Variants in CENPW observed in about 807,000 individuals in gnomAD.
CENPW encodes the protein centromere protein W.
Under a neutral mutation model 11.1 loss-of-function variants are expected in CENPW, and 3 were observed. The observed-to-expected ratio is 0.27, with a 90% CI of 0.12 to 0.70. The LOEUF (loss-of-function observed/expected upper bound fraction) is 0.70, where lower values mean the gene tolerates loss of function less well. Among genes scored for constraint, CENPW ranks in the 30% least tolerant of loss-of-function variants. The pLI, the probability that CENPW is intolerant of heterozygous loss-of-function variation, is 0.77. For missense variants in CENPW, 100 were observed against 105.6 expected (o/e 0.95, Z 0.23); for synonymous variants, 38 against 42.0 (o/e 0.91, Z 0.37).
chr6:126,373,409 A>T, the CENPW span, among the ~76,000 whole-genome samples: 1 of 152,246 alleles, frequency 6.6e-6, no homozygotes, highest in African/African-American at 2.4e-5. Context: ...TCTTCGAGCC[A>T]TAAAAATTTG....
chr6:126,356,640 G>A, the CENPW span, among the ~76,000 whole-genome samples: 1 of 152,056 alleles, frequency 6.6e-6, no homozygotes. Flanking sequence ...TGATTGGTAT[G>A]AGATAGTATC....
chr6:126,376,445 A>C, the CENPW span, among the ~76,000 whole-genome samples: 1 of 152,094 alleles, frequency 6.6e-6, no homozygotes, highest in African/African-American at 2.4e-5. Context: ...ACATACCCCT[A>C]ATACGGAATT....
the CENPW span, among the ~76,000 whole-genome samples, chr6:126,453,355 A>G: frequency 6.9e-4 from 104 of 151,328 alleles, no homozygotes; most frequent in African/African-American, 2.2e-3. Flanking sequence ...CATGCTAACC[A>G]CGGACCTTTC....
chr6:126,359,412 G>A, the CENPW span, among the ~76,000 whole-genome samples: 2 of 151,868 alleles, frequency 1.3e-5, no homozygotes, highest in Admixed American at 1.3e-4. Flanking sequence ...TTTTGGGTAG[G>A]TTATTCTGTA....
the CENPW span, among the ~76,000 whole-genome samples, chr6:126,357,561 C>T: frequency 2.7e-4 from 41 of 151,540 alleles, no homozygotes; most frequent in African/African-American, 8.5e-4. Flanking sequence ...GAACATTTTT[C>T]GATTTATTTG....
the CENPW span, among the ~76,000 whole-genome samples, chr6:126,420,768 C>T: frequency 1.3e-5 from 2 of 152,070 alleles, no homozygotes; most frequent in African/African-American, 4.8e-5. Flanking sequence ...TAAGTGGGTC[C>T]TACAAAGGGA....
chr6:126,420,638 A>G, the CENPW span, among the ~76,000 whole-genome samples: 5 of 152,090 alleles, frequency 3.3e-5, no homozygotes, highest in African/African-American at 1.2e-4. Context: ...GAAGAAATTG[A>G]CTTTAGAAAT....
chr6:126,417,456 A>G, the CENPW span, among the ~76,000 whole-genome samples: 1 of 152,192 alleles, frequency 6.6e-6, no homozygotes, highest in African/African-American at 2.4e-5. Context: ...GGGAGGGGCC[A>G]GGGGAAGAAT....
chr6:126,470,590 A>G, the CENPW span, among the ~76,000 whole-genome samples: 1 of 152,226 alleles, frequency 6.6e-6, no homozygotes, highest in South Asian at 2.1e-4. Flanking sequence ...ACCATCCTCC[A>G]GACCCCAGAA....
At chr6:126,438,676 C>A in the CENPW span, among the ~76,000 whole-genome samples, 2 of 151,676 alleles carry the variant, frequency 1.3e-5, no homozygotes, top group Non-Finnish European at 3.0e-5. Flanking sequence ...TACAAACACA[C>A]TTTCTGCAAT....
chr6:126,368,816 TTG>T, the CENPW span, among the ~76,000 whole-genome samples: 1 of 152,090 alleles, frequency 6.6e-6, no homozygotes, highest in African/African-American at 2.4e-5. Flanking sequence ...GGCTAATTTT[TTG>T]TGTTTTTTGG....
At chr6:126,371,560 C>T in the CENPW span, among the ~76,000 whole-genome samples, 2 of 151,938 alleles carry the variant, frequency 1.3e-5, no homozygotes, top group African/African-American at 4.8e-5. Context: ...TTTGTTATGT[C>T]CTTTCCTGGT....
At chr6:126,403,812 T>G in the CENPW span, among the ~76,000 whole-genome samples, 1 of 152,086 alleles carries the variant, frequency 6.6e-6, no homozygotes, top group Non-Finnish European at 1.5e-5. Flanking sequence ...TGATGAAGTT[T>G]GTTACACTAA....
the CENPW span, among the ~76,000 whole-genome samples, chr6:126,476,241 G>T: frequency 1.3e-5 from 2 of 151,960 alleles, no homozygotes; most frequent in East Asian, 3.8e-4. Flanking sequence ...GTTGTGGTCA[G>T]TTGAAGCTCA....
the CENPW span, among the ~76,000 whole-genome samples, chr6:126,402,891 T>A: frequency 6.6e-6 from 1 of 152,098 alleles, no homozygotes; most frequent in African/African-American, 2.4e-5. Flanking sequence ...TGCATTTTTT[T>A]AAATTGAAGG....
downstream of CENPW, among the ~76,000 whole-genome samples, chr6:126,350,438 C>CT (rs1044892762): frequency 1.3e-5 from 2 of 152,128 alleles, no homozygotes; most frequent in African/African-American, 2.4e-5. Context: ...AGAGAGCTCT[C>CT]TGCCTCCTTT....
chr6:126,421,678 T>C, the CENPW span, among the ~76,000 whole-genome samples: 1 of 152,060 alleles, frequency 6.6e-6, no homozygotes, highest in East Asian at 1.9e-4. Flanking sequence ...TCTGCTATAA[T>C]TGCCTGGCAA....
At chr6:126,399,011 G>A in the CENPW span, among the ~76,000 whole-genome samples, 7 of 152,020 alleles carry the variant, frequency 4.6e-5, no homozygotes, top group East Asian at 1.4e-3. Flanking sequence ...TGACTGTGTA[G>A]TATTCCATTG....
the CENPW span, among the ~76,000 whole-genome samples, chr6:126,457,959 T>A: frequency 9.9e-5 from 15 of 151,322 alleles, no homozygotes; most frequent in African/African-American, 3.4e-4. Flanking sequence ...ACTCTCTGTT[T>A]ATCACCATCA....
Sources: gnomAD v4.1 joint callset for allele counts (sites outside exome capture counted in the v4.1 genomes callset) on GRCh38, gnomAD v4.1.1 for gene constraint, MANE v1.5 for transcripts, NCBI Gene and HGNC (gene_info 2026-07-23, HGNC 2026-07-21) for gene names.